The following ABLIM2 variants were observed in gnomAD, a reference collection of about 807,000 sequenced individuals.
ABLIM2 encodes actin-binding LIM protein 2.
In ABLIM2, 53 loss-of-function variants were observed where a neutral mutation model predicts 97.7. The ratio of observed to expected loss-of-function variants is 0.54; its 90% CI spans 0.44 to 0.68. The LOEUF is 0.68. Ranked by LOEUF, ABLIM2 falls within the 30% of genes least tolerant of loss-of-function variation. ABLIM2 has a pLI of 0.00. For missense variants in ABLIM2, 835 were observed against 867.2 expected, an observed-to-expected ratio of 0.96 and a Z score of 0.47; for synonymous variants, 361 against 345.8, an observed-to-expected ratio of 1.04 and a Z score of -0.49.
intron 9 of ABLIM2, 95 bp from the exon 10 acceptor site, chr4:8,036,390 C>A (rs1040227447): frequency 6.9e-7 from 1 of 1,459,112 alleles, no homozygotes; most frequent in Admixed American, 1.8e-5. Context: ...AGGACAGTGC[C>A]CCCAAAGCCA....
At chr4:7,978,704 C>T (rs1488595389) in intron 20 of ABLIM2, among the ~76,000 whole-genome samples, 1 of 149,194 alleles carries the variant, frequency 6.7e-6, no homozygotes, top group Non-Finnish European at 1.5e-5. Flanking sequence ...GCCACCCACC[C>T]CACCAGTGAT....
intron 10 of ABLIM2, among the ~76,000 whole-genome samples, chr4:8,035,335 G>C (rs981238128): frequency 6.6e-6 from 1 of 152,124 alleles, no homozygotes; most frequent in Non-Finnish European, 1.5e-5. Flanking sequence ...CATCCGCATC[G>C]AACGCGCTGC....
chr4:8,042,630 G>A (rs1032995217), intron 9 of ABLIM2, among the ~76,000 whole-genome samples: 1 of 151,984 alleles, frequency 6.6e-6, no homozygotes, highest in Non-Finnish European at 1.5e-5. Context: ...ACCTGAGGTC[G>A]GGAGTTTGAG....
rs1712313930 is a variant in ABLIM2 at position 8,150,575 on chromosome 4, C to T, written c.10+8105G>A. On this transcript the variant is annotated intron_variant, in intron 1 of 20. Coordinates refer to ENST00000447017, the MANE Select transcript of ABLIM2 (RefSeq NM_001130083.2). The surrounding 1 kb of genome is among the most constrained non-coding windows in gnomAD (Gnocchi z 6.3). ...TCTCTAAGCACAGAGAAACCAAAGT[C>T]CCAAACTTCCAGCACAGGGTGCGAG... 6.6e-6 allele frequency among the ~76,000 whole-genome samples: 1 copy of T among 152,244 alleles called. No individual in the cohort carries two copies. Among genetic ancestry groups the T allele is most frequent in the African/African-American group, 2.4e-5 (1 of 41,466 alleles).
At chr4:8,073,627 TG>T (rs1488341069) in intron 6 of ABLIM2, among the ~76,000 whole-genome samples, 1 of 151,884 alleles carries the variant, frequency 6.6e-6, no homozygotes, top group Non-Finnish European at 1.5e-5. Flanking sequence ...GATGCATCAC[TG>T]GCTGTAAATA....
chr4:8,056,461 C>T (rs1158693060), intron 7 of ABLIM2, among the ~76,000 whole-genome samples: 1 of 151,760 alleles, frequency 6.6e-6, no homozygotes, highest in Non-Finnish European at 1.5e-5. Context: ...GCACCATGCC[C>T]AGCTAATTTT....
intron 9 of ABLIM2, among the ~76,000 whole-genome samples, chr4:8,040,118 C>G (rs994004984): frequency 6.6e-6 from 1 of 152,094 alleles, no homozygotes; most frequent in Admixed American, 6.6e-5. Context: ...GCAGGGGGAG[C>G]CGGTCTCTTC....
intron 1 of ABLIM2, among the ~76,000 whole-genome samples, chr4:8,145,341 G>A (rs747178490): frequency 1.3e-5 from 2 of 151,930 alleles, no homozygotes; most frequent in Admixed American, 6.6e-5. Flanking sequence ...ACACCACCAC[G>A]CCCAGCTAAT....
Position 8,150,343 on chromosome 4 carries a change from C to A in ABLIM2, c.10+8337G>T, listed in dbSNP as rs1712222910. Among the ~76,000 whole-genome samples, 2 of 152,210 alleles carry A rather than the reference C, an allele frequency of 1.3e-5. No individual in the cohort carries two copies. ...GAACTGGGGACGGAGTTCCACCCAT[C>A]ACACATCCTCCACTCCTTGGGTGTT... On this transcript the variant is annotated intron_variant, in intron 1 of 20. Coordinates refer to ENST00000447017, the MANE Select transcript of ABLIM2 (RefSeq NM_001130083.2). The surrounding 1 kb of genome is among the most constrained non-coding windows in gnomAD (Gnocchi z 6.3).
At position 8,087,189 on chromosome 4, in the gene ABLIM2, G is replaced by A. The variant is rs924597716; in HGVS notation, c.454+980C>T. 1.6e-4 allele frequency among the ~76,000 whole-genome samples: 24 copies of A among 152,192 alleles called. No individual in the cohort carries two copies. The highest frequency in any genetic ancestry group is 5.3e-4 in the African/African-American group (22 of 41,438). On this transcript the variant is annotated intron_variant, in intron 4 of 20. Coordinates refer to ENST00000447017, the MANE Select transcript of ABLIM2 (RefSeq NM_001130083.2). This position sits in a 1 kb window ranked among gnomAD's most constrained non-coding sequence, Gnocchi z 4.6. ...GTCTGGGGACACCCCAGTGACCACG[G>A]TGCTCAGAGTGGGCTTCTGCACCAG... is the stretch of plus-strand genomic sequence containing the variant.
intron 1 of ABLIM2, among the ~76,000 whole-genome samples, chr4:8,107,597 G>T (rs185299714): frequency 5.9e-4 from 90 of 152,352 alleles, no homozygotes; most frequent in African/African-American, 2.1e-3. Flanking sequence ...GCTGGCCTGT[G>T]AGAGTGAATC....
intron 1 of ABLIM2, among the ~76,000 whole-genome samples, chr4:8,158,443 C>T (rs902302257): frequency 2.0e-5 from 3 of 152,186 alleles, no homozygotes; most frequent in African/African-American, 4.8e-5. Flanking sequence ...GCAGCCACGC[C>T]GGCCGGCGCG....
intron 8 of ABLIM2, among the ~76,000 whole-genome samples, chr4:8,053,203 A>G (rs2151953227): frequency 6.6e-6 from 1 of 152,328 alleles, no homozygotes; most frequent in East Asian, 1.9e-4. Flanking sequence ...GCCTCCTTTC[A>G]GAACTCAAAA....
chr4:8,097,421 T>A lies in ABLIM2; in HGVS notation c.155-139A>T, dbSNP rs1371538621. 4 of 1,096,418 alleles carry A rather than the reference T, an allele frequency of 3.6e-6. No homozygotes were observed. In the African/African-American group the frequency reaches 6.4e-5, roughly 18 times the overall value. 67.9% of individuals were successfully genotyped at this position (1,096,418 alleles called of 1,614,324 possible). A position where few individuals can be genotyped will look rare whatever the true frequency, so the allele number is the denominator to read the frequency against. ...GGCCTCGGCACACACTTGGGGTGGC[T>A]TGCTCAACTCTCGGCGGGCCGGGCT... is the stretch of plus-strand genomic sequence containing the variant. On this transcript the variant is annotated intron_variant, in intron 2 of 20. Coordinates refer to ENST00000447017, the MANE Select transcript of ABLIM2 (RefSeq NM_001130083.2).
rs1373534506 is a variant in ABLIM2, at chr4:8,083,228, C to T, written c.455-2426G>A. ...CCAGAGGACAGACAGCAGACAGCAG[C>T]GGTCAGATCCCAGCAATGCCCCCCA... On this transcript the variant is annotated intron_variant, in intron 4 of 20. Transcript: ENST00000447017. This position sits in a 1 kb window ranked among gnomAD's most constrained non-coding sequence, Gnocchi z 4.6. 3.9e-5 allele frequency among the ~76,000 whole-genome samples: 6 copies of T among 152,302 alleles called. No homozygotes were observed. Among genetic ancestry groups the T allele is most frequent in the Middle Eastern group, 3.4e-3 (1 of 294 alleles).
At position 8,158,690 on chromosome 4, in the gene ABLIM2, C is replaced by T. The variant is rs572807683; in HGVS notation, c.-1G>A. The T allele has an allele frequency of 1.4e-6, 2 of 1,469,678 alleles. No individual in the cohort carries two copies. Among genetic ancestry groups the T allele is most frequent in the Non-Finnish European group, 1.8e-6 (2 of 1,113,278 alleles). The allele number at this position is 1,469,678 out of a possible 1,614,324, so 91.0% of individuals were successfully genotyped here. ...GTCCCCAGCACCCACCTGCACTCAT[C>T]TCAGCAGCCGCTCGGAGTCGGGGCG... is the stretch of plus-strand genomic sequence containing the variant. On this transcript the variant is annotated 5_prime_UTR_variant, in exon 1 of 21. Transcript: ENST00000447017.
At position 8,021,026 on chromosome 4, in the gene ABLIM2, T is replaced by C. The variant is rs144997084; in HGVS notation, c.1268-723A>G. Among the ~76,000 whole-genome samples the C allele has an allele frequency of 1.3e-4, 20 of 151,964 alleles. No individual in the cohort carries two copies. The highest frequency in any genetic ancestry group is 4.6e-4 in the African/African-American group (19 of 41,442). On this transcript the variant is annotated intron_variant, in intron 12 of 20. Coordinates refer to ENST00000447017, the MANE Select transcript of ABLIM2 (RefSeq NM_001130083.2). This position sits in a 1 kb window ranked among gnomAD's most constrained non-coding sequence, Gnocchi z 5.5. ...TGTGCACTACCACGCCTGGCTAATT[T>C]TTTTAATTTTGTAAAGATGGGGTTT... is the stretch of plus-strand genomic sequence containing the variant.
At chr4:8,102,900 G>A (rs971755545) in intron 2 of ABLIM2, among the ~76,000 whole-genome samples, 1 of 152,246 alleles carries the variant, frequency 6.6e-6, no homozygotes, top group African/African-American at 2.4e-5. Flanking sequence ...TCTGGCCAAT[G>A]AGTCATATGG....
In ABLIM2 at chr4:8,106,559, A is replaced by G; in HGVS notation, c.89T>C (p.Val30Ala). ...CACCCGCAGCACCTCGCCCTTGCAC[A>G]CATTCCCACACGTGTTGCACAGGAT... ...TAILCNTCGN[V>A]CKGEVLRVQD... The change falls in exon 2 of 21, where the codon GTG becomes GCG. Residue 30 changes from valine (V) to alanine (A), a missense_variant. Physicochemically the swap from Val to Ala is moderately conservative, Grantham distance 64. Transcript: ENST00000447017. 1 of 1,609,502 alleles carries G rather than the reference A, an allele frequency of 6.2e-7. No individual in the cohort carries two copies. The highest frequency in any genetic ancestry group is 1.1e-5 in the South Asian group (1 of 89,754).
Sources: gnomAD v4.1 joint callset for allele counts (sites outside exome capture counted in the v4.1 genomes callset) on GRCh38, gnomAD v4.1.1 for gene constraint, Gnocchi (gnomAD v3.1) non-coding constraint, MANE v1.5 for transcripts, NCBI Gene and HGNC (gene_info 2026-07-23, HGNC 2026-07-21) for gene names.